PCDH9: variants seen among roughly 807,000 people sequenced by gnomAD.
PCDH9 encodes the protein protocadherin-9.
Under a neutral mutation model 70.6 loss-of-function variants are expected in PCDH9, and 24 were observed. The observed-to-expected ratio is 0.34, with a 90% CI of 0.25 to 0.48. The LOEUF (loss-of-function observed/expected upper bound fraction) is 0.48, where lower values mean the gene tolerates loss of function less well. PCDH9 is among the 20% of genes least tolerant of loss of function. The pLI, the probability that PCDH9 is intolerant of heterozygous loss-of-function variation, is 0.99. For missense variants in PCDH9, 1,281 were observed against 1,503.6 expected, an observed-to-expected ratio of 0.85 and a Z score of 2.45; for synonymous variants, 562 against 558.5, an observed-to-expected ratio of 1.01 and a Z score of -0.09.
At chr13:66,568,994 CTTTTTTTTTTTT>C (rs61067249) in intron 4 of PCDH9, among the ~76,000 whole-genome samples, 3 of 58,324 alleles carry the variant, frequency 5.1e-5, no homozygotes, top group African/African-American at 1.5e-4. Flanking sequence ...GGAAACATGT[CTTTTTTTTTTTT>C]TTTTTTTTTT....
chr13:66,755,654 G>A (rs1250387832), intron 3 of PCDH9, among the ~76,000 whole-genome samples: 1 of 151,994 alleles, frequency 6.6e-6, no homozygotes, highest in East Asian at 1.9e-4. Context: ...TTTTTAAAAA[G>A]TGCACAACTG....
intron 3 of PCDH9, among the ~76,000 whole-genome samples, chr13:66,870,212 T>C (rs576565675): frequency 4.6e-5 from 7 of 152,140 alleles, no homozygotes; most frequent in Non-Finnish European, 1.0e-4. Flanking sequence ...TTCTCAGGTT[T>C]GTCAAATATC....
chr13:66,918,040 G>A (rs549791880), intron 2 of PCDH9, among the ~76,000 whole-genome samples: 15 of 151,456 alleles, frequency 9.9e-5, no homozygotes, highest in Admixed American at 7.9e-4. Context: ...CCTTCCCAGG[G>A]ATTTTGTGAA....
chr13:66,545,765 C>G (rs146822103), intron 4 of PCDH9, among the ~76,000 whole-genome samples: 6 of 151,526 alleles, frequency 4.0e-5, no homozygotes, highest in African/African-American at 1.5e-4. Context: ...TACTCTGTTA[C>G]TGGTTTATGT....
intron 2 of PCDH9, among the ~76,000 whole-genome samples, chr13:67,200,711 A>T (rs893182202): frequency 1.3e-5 from 2 of 152,046 alleles, no homozygotes; most frequent in African/African-American, 4.8e-5. Flanking sequence ...TAGAATACTC[A>T]GTTAAAGTGC....
At chr13:66,554,890 C>T (rs984922640) in intron 4 of PCDH9, among the ~76,000 whole-genome samples, 1 of 152,126 alleles carries the variant, frequency 6.6e-6, no homozygotes, top group Non-Finnish European at 1.5e-5. Flanking sequence ...CTTCTTGCGG[C>T]CGGGCATGGT....
chr13:66,394,719 T>C (rs73505902), intron 4 of PCDH9, among the ~76,000 whole-genome samples: 2,062 of 152,260 alleles, frequency 0.014, 34 homozygotes, highest in African/African-American at 0.046. Flanking sequence ...GTAATTAATA[T>C]ACAATTTTAA....
chr13:66,337,598 A>AAAACAAACAAACAAACAAAC (rs71106965), intron 4 of PCDH9, among the ~76,000 whole-genome samples: 34 of 151,252 alleles, frequency 2.2e-4, no homozygotes, highest in Admixed American at 4.0e-4. Context: ...GGTACTTGTT[A>AAAACAAACAAACAAACAAAC]AAACAAACAA....
chr13:66,421,143 A>G (rs1957559657), intron 4 of PCDH9, among the ~76,000 whole-genome samples: 1 of 152,090 alleles, frequency 6.6e-6, no homozygotes, highest in Admixed American at 6.5e-5. Flanking sequence ...AAAAAAGGAA[A>G]GCAATGAACA....
intron 2 of PCDH9, among the ~76,000 whole-genome samples, chr13:67,061,979 A>G (rs1266244487): frequency 1.3e-5 from 2 of 152,158 alleles, no homozygotes; most frequent in African/African-American, 4.8e-5. Context: ...GTAGGCGGTA[A>G]CGGCAGGGAA....
chr13:66,997,400 T>C (rs1355935800), intron 2 of PCDH9, among the ~76,000 whole-genome samples: 3 of 152,084 alleles, frequency 2.0e-5, no homozygotes, highest in Non-Finnish European at 4.4e-5. Flanking sequence ...TGTGAACTCA[T>C]AGAGGGAGAA....
intron 3 of PCDH9, among the ~76,000 whole-genome samples, chr13:66,642,402 T>C (rs1460073862): frequency 2.0e-5 from 3 of 152,036 alleles, no homozygotes; most frequent in East Asian, 1.9e-4. Context: ...AAATATTTCA[T>C]TGAGTGTAGA....
chr13:66,583,613 C>CA lies in PCDH9; in HGVS notation c.3340+47596dup, dbSNP rs879315168. On this transcript the variant is annotated intron_variant, in intron 4 of 4. Coordinates refer to ENST00000377865, the MANE Select transcript of PCDH9 (RefSeq NM_203487.3). Reference sequence around the variant, plus strand: ...TGGGTGACAGAGTGAGACTCCCTCTCAAAAAAAAAAAAAGAATAAAACTCT... The same window carrying CA: ...TGGGTGACAGAGTGAGACTCCCTCTCAAAAAAAAAAAAAAGAATAAAACTCT... Among the ~76,000 whole-genome samples the CA allele has an allele frequency of 5.6e-3, 749 of 133,018 alleles. 1 individual carries two copies. Among genetic ancestry groups the CA allele is most frequent in the Admixed American group, 0.014 (186 of 13,116 alleles). The allele number at this position is 133,018 out of a possible 152,430, so 87.3% of individuals were successfully genotyped here. A position where few individuals can be genotyped will look rare whatever the true frequency, so the allele number is the denominator to read the frequency against.
At chr13:66,931,534 T>A (rs1287786220) in intron 2 of PCDH9, among the ~76,000 whole-genome samples, 1 of 152,138 alleles carries the variant, frequency 6.6e-6, no homozygotes, top group Admixed American at 6.6e-5. Context: ...GTAACCTGTT[T>A]AATTTTATTC....
At chr13:66,904,962 ATTTAAT>A (rs2082336347) in intron 2 of PCDH9, among the ~76,000 whole-genome samples, 1 of 151,988 alleles carries the variant, frequency 6.6e-6, no homozygotes. Context: ...TCTCTCTACA[ATTTAAT>A]TTTAACTCTA....
At chr13:66,956,431 C>A (rs1415509706) in intron 2 of PCDH9, among the ~76,000 whole-genome samples, 1 of 152,090 alleles carries the variant, frequency 6.6e-6, no homozygotes, top group African/African-American at 2.4e-5. Flanking sequence ...AGTCAAAAAG[C>A]CATAGCTGTG....
chr13:66,866,919 ATTC>A (rs2081586551), intron 3 of PCDH9, among the ~76,000 whole-genome samples: 1 of 152,154 alleles, frequency 6.6e-6, no homozygotes, highest in Non-Finnish European at 1.5e-5. Flanking sequence ...AGAAAGCACA[ATTC>A]TTCTAACAAA....
intron 4 of PCDH9, among the ~76,000 whole-genome samples, chr13:66,621,346 C>T (rs148096165): frequency 6.6e-6 from 1 of 152,296 alleles, no homozygotes; most frequent in African/African-American, 2.4e-5. Flanking sequence ...ACATGGCTAG[C>T]AGCTGAGTGT....
chr13:66,612,582 T>C (rs1700286908), intron 4 of PCDH9, among the ~76,000 whole-genome samples: 1 of 152,200 alleles, frequency 6.6e-6, no homozygotes, highest in Non-Finnish European at 1.5e-5. Flanking sequence ...TAGAGCATGC[T>C]TAGACTGAAA....
Sources: allele counts gnomAD v4.1 joint callset (sites outside exome capture counted in the v4.1 genomes callset), GRCh38; gene constraint gnomAD v4.1.1; transcripts MANE v1.5; gene names NCBI Gene and HGNC (gene_info 2026-07-23, HGNC 2026-07-21).